The following FHIT variants were observed in gnomAD, a reference collection of about 807,000 sequenced individuals.
FHIT encodes the protein bis(5'-adenosyl)-triphosphatase.
A neutral mutation model predicts 17.9 loss-of-function variants in FHIT; 19 were observed. The observed-to-expected ratio is 1.06, with a 90% CI of 0.74 to 1.56. FHIT has a LOEUF of 1.56. Among genes scored for constraint, FHIT ranks in the 40% most tolerant of loss-of-function variants. FHIT has a pLI of 0.00. For missense variants in FHIT, 248 were observed against 189.2 expected, an observed-to-expected ratio of 1.31 and a Z score of -1.82; for synonymous variants, 81 against 69.7, an observed-to-expected ratio of 1.16 and a Z score of -0.81.
chr3:60,848,623 A>T (rs1409261214), intron 3 of FHIT, among the ~76,000 whole-genome samples: 7 of 152,180 alleles, frequency 4.6e-5, no homozygotes, highest in Non-Finnish European at 8.8e-5. Context: ...AACCTAGAGT[A>T]AGTCATTTAA....
rs899568103 is a variant in FHIT at position 60,127,186 on chromosome 3, G to A, written c.104-113034C>T. 5.9e-5 allele frequency among the ~76,000 whole-genome samples: 9 copies of A among 152,224 alleles called. No homozygotes were observed. The South Asian group carries it at 6.2e-4, about 11-fold the overall frequency. Reference sequence around the variant, plus strand: ...CCACAGGCCAGAGAACTCAGCCCACGCAATGTTTTTAAAATAGACCCCAAC... The same window carrying A: ...CCACAGGCCAGAGAACTCAGCCCACACAATGTTTTTAAAATAGACCCCAAC... On this transcript the variant is annotated intron_variant, in intron 5 of 9. Transcript: ENST00000492590.
At chr3:60,805,880 G>T (rs1701367290) in intron 4 of FHIT, among the ~76,000 whole-genome samples, 1 of 152,108 alleles carries the variant, frequency 6.6e-6, no homozygotes. Flanking sequence ...GGGTAATTAA[G>T]GTTACCTTTA....
chr3:59,960,658 A>G (rs11707783), intron 7 of FHIT, among the ~76,000 whole-genome samples: 27,022 of 152,160 alleles, frequency 0.18, 2,753 homozygotes, highest in East Asian at 0.32. Flanking sequence ...GGAAAGCAAT[A>G]AACATTCTCG....
At chr3:59,798,300 A>C (rs941979509) in intron 8 of FHIT, among the ~76,000 whole-genome samples, 1 of 152,224 alleles carries the variant, frequency 6.6e-6, no homozygotes, top group Admixed American at 6.5e-5. Context: ...GATAGATCTT[A>C]ACATGAACTA....
intron 3 of FHIT, among the ~76,000 whole-genome samples, chr3:61,027,626 G>A (rs960738349): frequency 5.3e-5 from 8 of 152,156 alleles, no homozygotes; most frequent in African/African-American, 1.9e-4. Context: ...CATATCTGTG[G>A]CTGTTATATT....
intron 8 of FHIT, among the ~76,000 whole-genome samples, chr3:59,757,125 T>C (rs1342789106): frequency 6.6e-6 from 1 of 152,148 alleles, no homozygotes; most frequent in Non-Finnish European, 1.5e-5. Context: ...ATGTATTACA[T>C]ACTGGTTTCC....
At chr3:60,656,094 C>T (rs782075477) in intron 4 of FHIT, among the ~76,000 whole-genome samples, 1 of 152,164 alleles carries the variant, frequency 6.6e-6, no homozygotes, top group South Asian at 2.1e-4. Flanking sequence ...TTGCTTTTCT[C>T]AAGAAGCCAT....
rs74422265 is a variant in FHIT at position 60,040,630 on chromosome 3, C to T, written c.104-26478G>A. 3.4e-3 allele frequency among the ~76,000 whole-genome samples: 514 copies of T among 152,140 alleles called. 7 individuals are homozygous for T. The highest frequency in any genetic ancestry group is 0.011 in the African/African-American group (468 of 41,484). ...TGCTTCAGAATCTGTGAAATTGGTT[C>T]GGAGGGCTTCAAGAGAACTGCGGAG... On this transcript the variant is annotated intron_variant, in intron 5 of 9. Coordinates refer to ENST00000492590, the MANE Select transcript of FHIT (RefSeq NM_002012.4).
chr3:60,521,412 T>A (rs942307212), intron 5 of FHIT, among the ~76,000 whole-genome samples: 5 of 151,990 alleles, frequency 3.3e-5, no homozygotes, highest in Non-Finnish European at 7.4e-5. Flanking sequence ...CACACCCAGC[T>A]AATTTTTTGT....
rs1426823076 is a variant in FHIT, at chr3:60,104,935, T to A, written c.104-90783A>T. Among the ~76,000 whole-genome samples, 9 of 152,234 alleles carry A rather than the reference T, an allele frequency of 5.9e-5. No individual in the cohort carries two copies. The East Asian group carries it at 1.7e-3, about 29-fold the overall frequency. ...CAAGATCAATGATGGTTGTTTAATA[T>A]CCTCTCTTGAAGCTCTTACTGTCTT... On this transcript the variant is annotated intron_variant, in intron 5 of 9. Transcript: ENST00000492590.
intron 1 of FHIT, among the ~76,000 whole-genome samples, chr3:61,236,669 A>G (rs1386873056): frequency 6.6e-6 from 1 of 152,222 alleles, no homozygotes; most frequent in Non-Finnish European, 1.5e-5. Context: ...TGGGAGAGCC[A>G]GAACTAAAAC....
Position 60,838,300 on chromosome 3 carries a change from C to T in FHIT, c.-110-16289G>A, listed in dbSNP as rs143076847. Among the ~76,000 whole-genome samples the T allele has an allele frequency of 2.2e-3, 340 of 152,100 alleles. 1 individual carries two copies. Among genetic ancestry groups the T allele is most frequent in the African/African-American group, 7.8e-3 (324 of 41,474 alleles). The stretch of plus-strand genomic sequence containing the variant: ...CGAACCTGGGCAACACGGTGAAACC[C>T]GTCTCTACTAAAATACAAAAAATTA... On this transcript the variant is annotated intron_variant, in intron 3 of 9. Coordinates refer to ENST00000492590, the MANE Select transcript of FHIT (RefSeq NM_002012.4).
intron 4 of FHIT, among the ~76,000 whole-genome samples, chr3:60,686,796 C>G (rs143956032): frequency 2.0e-5 from 3 of 152,170 alleles, no homozygotes; most frequent in East Asian, 3.8e-4. Context: ...AAAGACTGAG[C>G]TTCCTACAGG....
Position 60,854,960 on chromosome 3 carries a change from C to A in FHIT, c.-110-32949G>T, listed in dbSNP as rs572761652. Among the ~76,000 whole-genome samples the A allele has an allele frequency of 2.6e-5, 4 of 152,244 alleles. No homozygotes were observed. In the East Asian group the frequency reaches 7.7e-4, roughly 29 times the overall value. Reference sequence around the variant, plus strand: ...AGCAGACATGGCTAAGTGCCTCTTCCTATCTAGGGAGGTTCAGGGAATTAC... The same window carrying A: ...AGCAGACATGGCTAAGTGCCTCTTCATATCTAGGGAGGTTCAGGGAATTAC... On this transcript the variant is annotated intron_variant, in intron 3 of 9. Coordinates refer to ENST00000492590, the MANE Select transcript of FHIT (RefSeq NM_002012.4).
chr3:60,149,683 C>G (rs1576204213), intron 5 of FHIT, among the ~76,000 whole-genome samples: 1 of 152,028 alleles, frequency 6.6e-6, no homozygotes, highest in Non-Finnish European at 1.5e-5. Flanking sequence ...ATCATCTCCT[C>G]CTCTCAGTCT....
chr3:61,069,442 G>C lies in FHIT; in HGVS notation c.-163-27343C>G, dbSNP rs150727913. ...CATTGTGCTTTTCCCCCAACATCTC[G>C]CAGATGATTCTAACGTGTAGCCATG... On this transcript the variant is annotated intron_variant, in intron 2 of 9. Transcript: ENST00000492590. Among the ~76,000 whole-genome samples, 49 of 152,218 alleles carry C rather than the reference G, an allele frequency of 3.2e-4. No individual in the cohort carries two copies. The East Asian group carries it at 5.8e-3, about 18-fold the overall frequency.
chr3:60,572,771 G>C (rs2037429811), intron 4 of FHIT, among the ~76,000 whole-genome samples: 2 of 152,116 alleles, frequency 1.3e-5, no homozygotes, highest in African/African-American at 4.8e-5. Flanking sequence ...CATTTCTTTT[G>C]ACAGCCTAGC....
intron 5 of FHIT, among the ~76,000 whole-genome samples, chr3:60,336,908 A>G (rs1196961466): frequency 6.6e-6 from 1 of 152,028 alleles, no homozygotes; most frequent in Non-Finnish European, 1.5e-5. Flanking sequence ...AAAAAAAAAA[A>G]AAGTTCTTTG....
At chr3:59,865,868 C>T (rs757009916) in intron 8 of FHIT, among the ~76,000 whole-genome samples, 24 of 152,126 alleles carry the variant, frequency 1.6e-4, no homozygotes, top group Non-Finnish European at 3.1e-4. Context: ...GCCTGAGGTT[C>T]GGCAGAGGCA....
Sources: allele counts gnomAD v4.1 joint callset (sites outside exome capture counted in the v4.1 genomes callset), GRCh38; gene constraint gnomAD v4.1.1; transcripts MANE v1.5; gene names NCBI Gene and HGNC (gene_info 2026-07-23, HGNC 2026-07-21).